Variants in NPAS3 observed in about 807,000 individuals in gnomAD.
The protein encoded by NPAS3 is neuronal PAS domain protein 3, also known as neuronal PAS domain-containing protein 3.
NPAS3 carries 14 observed loss-of-function variants against 73.1 expected under a neutral mutation model. The observed-to-expected ratio is 0.19, with a 90% CI of 0.13 to 0.30. NPAS3 has a LOEUF of 0.30. Among genes scored for constraint, NPAS3 ranks in the 10% least tolerant of loss-of-function variants. NPAS3 has a pLI of 1.00. For synonymous variants in NPAS3, 620 were observed against 541.5 expected (o/e 1.14, Z -2.01); for missense variants, 1,096 against 1,250.0 (o/e 0.88, Z 1.86).
chr14:33,032,861 G>A (rs1385101177), intron 1 of NPAS3, among the ~76,000 whole-genome samples: 1 of 152,158 alleles, frequency 6.6e-6, no homozygotes, highest in African/African-American at 2.4e-5. Flanking sequence ...AACGATAAAT[G>A]CGAAGTCCCA....
In NPAS3 at chr14:33,382,168, C is replaced by T. The variant is rs1315152; in HGVS notation, c.468+14900C>T. 4.6e-5 allele frequency among the ~76,000 whole-genome samples: 7 copies of T among 151,646 alleles called. No individual in the cohort carries two copies. The South Asian group carries it at 8.3e-4, about 18-fold the overall frequency. On this transcript the variant is annotated intron_variant, in intron 4 of 11. Transcript: ENST00000356141. ...TCATGCCTAACATGAAAACAGAGGT[C>T]GGGGAGGGTACTCACTTCTACATGC...
chr14:33,458,289 T>C (rs1417923201), intron 4 of NPAS3, among the ~76,000 whole-genome samples: 1 of 152,250 alleles, frequency 6.6e-6, no homozygotes, highest in Non-Finnish European at 1.5e-5. Context: ...TCCAAAAACA[T>C]TTAAGGAAAA....
intron 1 of NPAS3, among the ~76,000 whole-genome samples, chr14:32,952,569 T>C (rs1293980257): frequency 6.6e-6 from 1 of 152,090 alleles, no homozygotes. Flanking sequence ...CTGGAAACAA[T>C]GTCTCATAGT....
chr14:33,464,333 A>G (rs2050410185), intron 4 of NPAS3, among the ~76,000 whole-genome samples: 1 of 152,126 alleles, frequency 6.6e-6, no homozygotes, highest in African/African-American at 2.4e-5. Context: ...CATGGTTCAA[A>G]TGAATCGGCG....
At chr14:33,374,620 C>A (rs2046238614) in intron 4 of NPAS3, among the ~76,000 whole-genome samples, 1 of 151,032 alleles carries the variant, frequency 6.6e-6, no homozygotes, top group Admixed American at 6.6e-5. Context: ...TTGTAGAAGA[C>A]CGAGTAGAAG....
intron 2 of NPAS3, among the ~76,000 whole-genome samples, chr14:33,149,480 A>G (rs2044368333): frequency 6.6e-6 from 1 of 152,196 alleles, no homozygotes; most frequent in African/African-American, 2.4e-5. Context: ...AGTACTTTTG[A>G]TGGTACATGA....
chr14:33,799,665 C>G lies in NPAS3; in HGVS notation c.1427-69C>G. Reference sequence around the variant, plus strand: ...CCTGCAGGTGACAGGCTGGGTCGCCCCGCTAACCTGGTGTCTTCTCTCTCT... The same window carrying G: ...CCTGCAGGTGACAGGCTGGGTCGCCGCGCTAACCTGGTGTCTTCTCTCTCT... On this transcript the variant is annotated intron_variant, in intron 11 of 11. Coordinates refer to ENST00000356141, the Ensembl canonical transcript of NPAS3. The G allele has an allele frequency of 2.0e-6, 3 of 1,525,876 alleles. No individual in the cohort carries two copies. In the Admixed American group the frequency reaches 6.4e-5, roughly 32 times the overall value. 94.5% of individuals were successfully genotyped at this position (1,525,876 alleles called of 1,614,324 possible). A position where few individuals can be genotyped will look rare whatever the true frequency, so the allele number is the denominator to read the frequency against.
chr14:33,190,811 A>G (rs1295808982), intron 2 of NPAS3, among the ~76,000 whole-genome samples: 1 of 152,148 alleles, frequency 6.6e-6, no homozygotes, highest in Non-Finnish European at 1.5e-5. Flanking sequence ...TTTAGCGCCC[A>G]TCGGTATAAA....
At chr14:33,005,431 A>G (rs962454160) in intron 1 of NPAS3, among the ~76,000 whole-genome samples, 1 of 152,164 alleles carries the variant, frequency 6.6e-6, no homozygotes, top group Non-Finnish European at 1.5e-5. Context: ...TTGGGAGCAC[A>G]AGTCCCATCA....
intron 7 of NPAS3, among the ~76,000 whole-genome samples, chr14:33,754,961 CA>C (rs544497890): frequency 2.0e-4 from 31 of 152,286 alleles, no homozygotes; most frequent in African/African-American, 7.0e-4. Flanking sequence ...TAGATAGGGA[CA>C]GTGAGAGTTA....
intron 3 of NPAS3, among the ~76,000 whole-genome samples, chr14:33,243,863 G>A (rs1402182387): frequency 6.6e-6 from 1 of 151,952 alleles, no homozygotes; most frequent in Non-Finnish European, 1.5e-5. Flanking sequence ...GTGACAATTT[G>A]TATTTTTATT....
At chr14:33,624,786 C>A (rs2058176107) in intron 5 of NPAS3, among the ~76,000 whole-genome samples, 1 of 152,122 alleles carries the variant, frequency 6.6e-6, no homozygotes, top group Non-Finnish European at 1.5e-5. Flanking sequence ...ATCAGATCAT[C>A]ATTTGTTTAA....
At chr14:33,450,022 CAAT>C in intron 4 of NPAS3, among the ~76,000 whole-genome samples, 1 of 152,250 alleles carries the variant, frequency 6.6e-6, no homozygotes, top group South Asian at 2.1e-4. Context: ...GCGCTGAGTA[CAAT>C]GAGAAAGTTC....
chr14:33,247,290 T>G (rs2139866725), intron 3 of NPAS3, among the ~76,000 whole-genome samples: 1 of 152,328 alleles, frequency 6.6e-6, no homozygotes, highest in Non-Finnish European at 1.5e-5. Context: ...ATTTTCTGAT[T>G]TTGACTCTTT....
chr14:33,566,252 C>T (rs1749754881), intron 5 of NPAS3, among the ~76,000 whole-genome samples: 1 of 150,522 alleles, frequency 6.6e-6, no homozygotes, highest in Admixed American at 6.6e-5. Context: ...CTGCATGATG[C>T]ATCATTTGAC....
chr14:33,508,555 G>T (rs1272554701), intron 4 of NPAS3, among the ~76,000 whole-genome samples: 1 of 151,978 alleles, frequency 6.6e-6, no homozygotes, highest in Non-Finnish European at 1.5e-5. Flanking sequence ...TCTGGGGTGA[G>T]TTCTTAGCAT....
chr14:33,390,635 A>G (rs2046962263), intron 4 of NPAS3, among the ~76,000 whole-genome samples: 1 of 152,176 alleles, frequency 6.6e-6, no homozygotes. Flanking sequence ...TATATGGACG[A>G]TGGATGTTTC....
At chr14:33,005,466 TA>T (rs1275079666) in intron 1 of NPAS3, among the ~76,000 whole-genome samples, 1 of 152,164 alleles carries the variant, frequency 6.6e-6, no homozygotes, top group African/African-American at 2.4e-5. Flanking sequence ...AGCTGCCCAG[TA>T]CTCAGCTGAT....
chr14:33,341,005 G>A (rs1490720869), intron 3 of NPAS3, among the ~76,000 whole-genome samples: 1 of 152,138 alleles, frequency 6.6e-6, no homozygotes, highest in East Asian at 1.9e-4. Context: ...TTTCTTGGTT[G>A]CTTTGATCTC....
Sources: gnomAD v4.1 joint callset for allele counts (sites outside exome capture counted in the v4.1 genomes callset) on GRCh38, gnomAD v4.1.1 for gene constraint, MANE v1.5 for transcripts, NCBI Gene and HGNC (gene_info 2026-07-23, HGNC 2026-07-21) for gene names.